The following PLA2G2E variants were observed in gnomAD, a reference collection of about 807,000 sequenced individuals.
The protein encoded by PLA2G2E is phospholipase A2 group IIE.
A neutral mutation model predicts 16.5 loss-of-function variants in PLA2G2E; 14 were observed. The observed-to-expected ratio is 0.85, with a 90% CI of 0.56 to 1.33. The LOEUF (loss-of-function observed/expected upper bound fraction) is 1.33, where lower values mean the gene tolerates loss of function less well. Among genes scored for constraint, PLA2G2E ranks in the 40% most tolerant of loss-of-function variants. The pLI, the probability that PLA2G2E is intolerant of heterozygous loss-of-function variation, is 0.00. For synonymous variants in PLA2G2E, 72 were observed against 77.2 expected (o/e 0.93, Z 0.36); for missense variants, 174 against 190.7 (o/e 0.91, Z 0.52).
chr1:19,921,442 G>A (rs1373902505), intron 3 of PLA2G2E, among the ~76,000 whole-genome samples: 1 of 152,218 alleles, frequency 6.6e-6, no homozygotes, highest in Non-Finnish European at 1.5e-5. Flanking sequence ...AGAATCCAGA[G>A]CTTGTGTCTC....
At chr1:19,923,423 A>G (rs2045834825) in intron 1 of PLA2G2E, 97 bp downstream of exon 1, 7 of 1,088,960 alleles carry the variant, frequency 6.4e-6, no homozygotes, top group African/African-American at 1.6e-5. Context: ...AGTGTTTGGC[A>G]TCCACCACAC....
intron 1 of PLA2G2E, 68 bp from the exon 2 acceptor site, chr1:19,922,823 C>T: frequency 6.4e-7 from 1 of 1,570,870 alleles, no homozygotes; most frequent in Non-Finnish European, 8.7e-7. Context: ...CCCTGATGTC[C>T]CCTCAAATCT....
At chr1:19,923,168 A>G (rs548717553) in intron 1 of PLA2G2E, among the ~76,000 whole-genome samples, 65 of 152,196 alleles carry the variant, frequency 4.3e-4, no homozygotes, top group African/African-American at 1.4e-3. Flanking sequence ...GACCTCCCCA[A>G]ATTCTTCCCG....
At chr1:19,921,265 T>C (rs1213619742) in intron 3 of PLA2G2E, among the ~76,000 whole-genome samples, 1 of 152,214 alleles carries the variant, frequency 6.6e-6, no homozygotes, top group Non-Finnish European at 1.5e-5. Context: ...GAAGGGACTC[T>C]TAACGCCGAG....
In PLA2G2E at chr1:19,920,235, T is replaced by C; in HGVS notation, c.*72A>G. On this transcript the variant is annotated 3_prime_UTR_variant, in exon 4 of 4. Transcript: ENST00000375116. This position sits in a 1 kb window ranked among gnomAD's most constrained non-coding sequence, Gnocchi z 4.3. ...CCAAAGGGAGGGCCTTTGGTGCCAA[T>C]GTTCCCCAGGCCTGGGACTACAGCA... is the stretch of plus-strand genomic sequence containing the variant. 4 of 1,367,294 alleles carry C rather than the reference T, an allele frequency of 2.9e-6. No homozygotes were observed. The East Asian group carries it at 7.0e-5, about 24-fold the overall frequency. The allele number at this position is 1,367,294 out of a possible 1,614,324, so 84.7% of individuals were successfully genotyped here. A position where few individuals can be genotyped will look rare whatever the true frequency, so the allele number is the denominator to read the frequency against.
At position 19,920,285 on chromosome 1, in the gene PLA2G2E, G is replaced by A. The variant is rs572386401; in HGVS notation, c.*22C>T. 28 of 1,585,276 alleles carry A rather than the reference G, an allele frequency of 1.8e-5. No individual in the cohort carries two copies. Among genetic ancestry groups the A allele is most frequent in the Middle Eastern group, 2.2e-4 (1 of 4,510 alleles). On this transcript the variant is annotated 3_prime_UTR_variant, in exon 4 of 4. Coordinates refer to ENST00000375116, the MANE Select transcript of PLA2G2E (RefSeq NM_014589.3). This position sits in a 1 kb window ranked among gnomAD's most constrained non-coding sequence, Gnocchi z 4.3. ...AGCCCGAGGCGGGACCTCCAGGGACGGGGGGGAGGCCGAGCATAGCCTCAG... is the reference window on the plus strand; with the variant it reads ...AGCCCGAGGCGGGACCTCCAGGGACAGGGGGGAGGCCGAGCATAGCCTCAG...
chr1:19,922,559 C>T, intron 2 of PLA2G2E, 58 bp downstream of exon 2: 1 of 1,593,984 alleles, frequency 6.3e-7, no homozygotes, highest in Non-Finnish European at 8.6e-7. Context: ...CAGGATCCTC[C>T]CAGGATCCCC....
Position 19,920,410 on chromosome 1 carries a change from T to G in PLA2G2E, c.326A>C (p.Asp109Ala), listed in dbSNP as rs1557687924. ...GCGAAAGCAGAGGGCAGCCCTCTTG[T>G]CACACTCGCAGGTCAGCCGCTGGCA... ...TTCQRLTCEC[D>A]KRAALCFRRN... Residue 109 changes from aspartate (D) to alanine (A), a missense_variant, in exon 4 of 4, where the codon GAC becomes GCC. Coordinates refer to ENST00000375116, the MANE Select transcript of PLA2G2E (RefSeq NM_014589.3). The surrounding 1 kb of genome is among the most constrained non-coding windows in gnomAD (Gnocchi z 4.3). 6.2e-7 allele frequency: 1 copy of G among 1,613,944 alleles called. No individual in the cohort carries two copies. Among genetic ancestry groups the G allele is most frequent in the African/African-American group, 1.3e-5 (1 of 75,052 alleles).
rs763550688 is a variant in PLA2G2E, at chr1:19,920,296, C to G, written c.*11G>C. ...GGACCTCCAGGGACGGGGGGGAGGCCGAGCATAGCCTCAGCAGGGCGGGGT... is the reference window on the plus strand; with the variant it reads ...GGACCTCCAGGGACGGGGGGGAGGCGGAGCATAGCCTCAGCAGGGCGGGGT... On this transcript the variant is annotated 3_prime_UTR_variant, in exon 4 of 4. Transcript: ENST00000375116. The surrounding 1 kb of genome is among the most constrained non-coding windows in gnomAD (Gnocchi z 4.3). The G allele has an allele frequency of 1.2e-6, 2 of 1,608,182 alleles. No individual in the cohort carries two copies. The highest frequency in any genetic ancestry group is 1.7e-6 in the Non-Finnish European group (2 of 1,177,248).
intron 1 of PLA2G2E, 28 bp downstream of exon 1, chr1:19,923,492 A>G: frequency 6.5e-7 from 1 of 1,542,794 alleles, no homozygotes; most frequent in Non-Finnish European, 8.8e-7. Context: ...GATGGGGCAG[A>G]AGGCTGAAGG....
intron 3 of PLA2G2E, among the ~76,000 whole-genome samples, chr1:19,921,049 C>T (rs1254440417): frequency 1.3e-5 from 2 of 152,200 alleles, no homozygotes; most frequent in Non-Finnish European, 2.9e-5. Context: ...CAGCTGGCAT[C>T]AGCTCTGTAG....
chr1:19,921,759 A>G (rs1249068672), intron 3 of PLA2G2E, among the ~76,000 whole-genome samples: 3 of 152,004 alleles, frequency 2.0e-5, no homozygotes, highest in African/African-American at 7.3e-5. Context: ...CGACAGTCTC[A>G]CTTGGTTGAG....
At position 19,920,379 on chromosome 1, in the gene PLA2G2E, G is replaced by C. The variant is rs1488657718; in HGVS notation, c.357C>G (p.Asn119Lys). 1 of 1,613,888 alleles carries C rather than the reference G, an allele frequency of 6.2e-7. No individual in the cohort carries two copies. The highest frequency in any genetic ancestry group is 1.7e-5 in the Admixed American group (1 of 60,026). The change falls in exon 4 of 4, where the codon AAC becomes AAG. Residue 119 changes from asparagine (N) to lysine (K), a missense_variant. Coordinates refer to ENST00000375116, the MANE Select transcript of PLA2G2E (RefSeq NM_014589.3). The surrounding 1 kb of genome is among the most constrained non-coding windows in gnomAD (Gnocchi z 4.3). ...DKRAALCFRR[N>K]LGTYNRKYAH... is the part of the protein sequence containing the mutation. ...CATATTTGCGGTTGTAGGTGCCCAG[G>C]TTGCGGCGAAAGCAGAGGGCAGCCC...
intron 3 of PLA2G2E, among the ~76,000 whole-genome samples, chr1:19,921,569 G>A (rs1216739273): frequency 6.6e-6 from 1 of 152,206 alleles, no homozygotes; most frequent in Admixed American, 6.5e-5. Flanking sequence ...AGTGGTTGGC[G>A]GCAGAGGAAA....
At chr1:19,923,365 C>A (rs1235334708) in intron 1 of PLA2G2E, among the ~76,000 whole-genome samples, 155 bp downstream of exon 1, 1 of 152,242 alleles carries the variant, frequency 6.6e-6, no homozygotes, top group African/African-American at 2.4e-5. Context: ...CTGGCTCAGG[C>A]AAAACTGGCC....
rs1392878551 is a variant in PLA2G2E, at chr1:19,920,892, G to A, written c.287-443C>T. ...ATGGCTATGTGTGCCCCAGAGTGGCGTGGGCCTAGGCTGGAAGCCACTGGG... is the reference window on the plus strand; with the variant it reads ...ATGGCTATGTGTGCCCCAGAGTGGCATGGGCCTAGGCTGGAAGCCACTGGG... On this transcript the variant is annotated intron_variant, in intron 3 of 3. Coordinates refer to ENST00000375116, the MANE Select transcript of PLA2G2E (RefSeq NM_014589.3). This position sits in a 1 kb window ranked among gnomAD's most constrained non-coding sequence, Gnocchi z 4.3. Among the ~76,000 whole-genome samples the A allele has an allele frequency of 1.3e-5, 2 of 152,194 alleles. No individual in the cohort carries two copies. Among genetic ancestry groups the A allele is most frequent in the Non-Finnish European group, 2.9e-5 (2 of 68,038 alleles).
Position 19,920,263 on chromosome 1 carries a change from C to G in PLA2G2E, c.*44G>C, listed in dbSNP as rs1277665556. The G allele has an allele frequency of 6.3e-7, 1 of 1,576,708 alleles. No individual in the cohort carries two copies. The highest frequency in any genetic ancestry group is 2.2e-5 in the East Asian group (1 of 44,494). On this transcript the variant is annotated 3_prime_UTR_variant, in exon 4 of 4. Transcript: ENST00000375116. This position sits in a 1 kb window ranked among gnomAD's most constrained non-coding sequence, Gnocchi z 4.3. ...TCCCCAGGCCTGGGACTACAGCAGC[C>G]CGAGGCGGGACCTCCAGGGACGGGG...
In PLA2G2E at chr1:19,922,644, G is replaced by A. The variant is rs2045825276; in HGVS notation, c.152C>T (p.Ser51Phe). Reference protein sequence around the residue: ...DYGCYCGIGGSHWPVDQTDWC... With the variant: ...DYGCYCGIGGFHWPVDQTDWC... ...GTCAGTCTGGTCCACCGGCCAGTGGGAGCCACCGATGCCGCAGTAACAGCC... is the reference window on the plus strand; with the variant it reads ...GTCAGTCTGGTCCACCGGCCAGTGGAAGCCACCGATGCCGCAGTAACAGCC... Residue 51 changes from serine to phenylalanine, a missense_variant, in exon 2 of 4, where the codon TCC (serine) becomes TTC (phenylalanine). By Grantham distance (155) the Ser-to-Phe change is radical. Coordinates refer to ENST00000375116, the MANE Select transcript of PLA2G2E (RefSeq NM_014589.3). The A allele has an allele frequency of 6.2e-7, 1 of 1,613,900 alleles. No homozygotes were observed. The highest frequency in any genetic ancestry group is 1.7e-5 in the Admixed American group (1 of 59,988).
intron 1 of PLA2G2E, 87 bp from the exon 2 acceptor site, chr1:19,922,842 G>T: frequency 2.0e-6 from 3 of 1,501,058 alleles, no homozygotes; most frequent in Non-Finnish European, 2.7e-6. Flanking sequence ...CTGATCACAG[G>T]CATCTCTCCA....
Sources: allele counts gnomAD v4.1 joint callset (sites outside exome capture counted in the v4.1 genomes callset), GRCh38; gene constraint gnomAD v4.1.1; non-coding constraint Gnocchi (gnomAD v3.1); transcripts MANE v1.5; gene names NCBI Gene and HGNC (gene_info 2026-07-23, HGNC 2026-07-21).